Variants in ARHGAP42 observed in about 807,000 individuals in gnomAD.
ARHGAP42 encodes the protein rho GTPase-activating protein 42.
A neutral mutation model predicts 125.0 loss-of-function variants in ARHGAP42; 63 were observed. The ratio of observed to expected loss-of-function variants is 0.50; its 90% CI spans 0.41 to 0.62. The LOEUF (loss-of-function observed/expected upper bound fraction) is 0.62. Among genes scored for constraint, ARHGAP42 ranks in the 20% least tolerant of loss-of-function variants. The pLI is 0.00. For missense variants in ARHGAP42, 766 were observed against 1,024.2 expected, an observed-to-expected ratio of 0.75 and a Z score of 3.44; for synonymous variants, 339 against 351.0, an observed-to-expected ratio of 0.97 and a Z score of 0.38.
At chr11:100,853,204 A>G (rs1865244943) in intron 3 of ARHGAP42, among the ~76,000 whole-genome samples, 1 of 152,194 alleles carries the variant, frequency 6.6e-6, no homozygotes, top group Non-Finnish European at 1.5e-5. Flanking sequence ...AGCTTTTAAG[A>G]TGTCAATCCT....
intron 1 of ARHGAP42, among the ~76,000 whole-genome samples, chr11:100,700,579 C>T (rs573307407): frequency 2.6e-5 from 4 of 152,116 alleles, no homozygotes; most frequent in Non-Finnish European, 5.9e-5. Context: ...CAGTGTTCAC[C>T]GCATCTTCAC....
intron 3 of ARHGAP42, among the ~76,000 whole-genome samples, chr11:100,833,257 ATACTTTATTAGAGAATGC>A (rs1054314149): frequency 6.6e-6 from 1 of 152,208 alleles, no homozygotes; most frequent in African/African-American, 2.4e-5. Context: ...AGGAGTTTTG[ATACTTTATTAGAGAATGC>A]TACTTTGTTC....
chr11:100,816,794 A>G (rs190338231), intron 3 of ARHGAP42: 1 of 152,302 alleles, frequency 6.6e-6, no homozygotes, highest in African/African-American at 2.4e-5. Flanking sequence ...TTCCATGGCA[A>G]ACTTCTTGGT....
intron 12 of ARHGAP42, 109 bp from the exon 13 acceptor site, chr11:100,959,772 CAG>C: frequency 1.0e-6 from 1 of 983,966 alleles, no homozygotes; most frequent in South Asian, 1.5e-5. Context: ...TTGGAAGACT[CAG>C]AAAAAACCTC....
chr11:100,972,254 G>T (rs908134608), intron 17 of ARHGAP42, among the ~76,000 whole-genome samples: 5 of 152,130 alleles, frequency 3.3e-5, no homozygotes, highest in African/African-American at 1.2e-4. Flanking sequence ...ACCTGACTTG[G>T]AGTAAGATAG....
intron 3 of ARHGAP42, among the ~76,000 whole-genome samples, chr11:100,805,574 A>G (rs1863968818): frequency 6.6e-6 from 1 of 152,212 alleles, no homozygotes; most frequent in Admixed American, 6.5e-5. Context: ...AAGAAACAAA[A>G]GAATGGCTAC....
intron 8 of ARHGAP42, among the ~76,000 whole-genome samples, chr11:100,936,992 G>C (rs541459411): frequency 6.6e-6 from 1 of 152,194 alleles, no homozygotes; most frequent in Non-Finnish European, 1.5e-5. Flanking sequence ...CATCATTCTC[G>C]TGCTGTTTTT....
At chr11:100,975,804 C>T (rs947228649) in intron 19 of ARHGAP42, among the ~76,000 whole-genome samples, 5 of 152,148 alleles carry the variant, frequency 3.3e-5, no homozygotes, top group Non-Finnish European at 7.3e-5. Flanking sequence ...TATCTAAAGG[C>T]AGGTAGTTCA....
chr11:100,818,913 G>A (rs1864338694), intron 3 of ARHGAP42, among the ~76,000 whole-genome samples: 3 of 152,116 alleles, frequency 2.0e-5, no homozygotes, highest in South Asian at 2.1e-4. Context: ...ATAAGCAAAT[G>A]TAGGGAGATG....
At chr11:100,788,392 CT>C (rs1161329981) in intron 2 of ARHGAP42, among the ~76,000 whole-genome samples, 1 of 152,124 alleles carries the variant, frequency 6.6e-6, no homozygotes, top group African/African-American at 2.4e-5. Flanking sequence ...TCATGTGAGC[CT>C]TTAGATTACA....
chr11:100,757,154 A>G (rs1862596353), intron 1 of ARHGAP42, among the ~76,000 whole-genome samples: 1 of 152,206 alleles, frequency 6.6e-6, no homozygotes, highest in Non-Finnish European at 1.5e-5. Context: ...TAAATAAGAC[A>G]TGAAAATTAT....
At chr11:100,716,073 A>G (rs933903720) in intron 1 of ARHGAP42, among the ~76,000 whole-genome samples, 3 of 152,206 alleles carry the variant, frequency 2.0e-5, no homozygotes, top group African/African-American at 7.2e-5. Context: ...TATTTTTAAA[A>G]TGATAGCAGT....
chr11:100,946,282 C>A (rs1868014298), intron 10 of ARHGAP42, among the ~76,000 whole-genome samples: 2 of 152,192 alleles, frequency 1.3e-5, no homozygotes, highest in South Asian at 4.1e-4. Flanking sequence ...CTATACACAC[C>A]ACTAGAACTT....
chr11:100,966,473 A>G lies in ARHGAP42; in HGVS notation c.1550+697A>G, dbSNP rs563171257. 8.5e-5 allele frequency among the ~76,000 whole-genome samples: 13 copies of G among 152,220 alleles called. No individual in the cohort carries two copies. The South Asian group carries it at 1.5e-3, about 17-fold the overall frequency. On this transcript the variant is annotated intron_variant, in intron 17 of 23. Coordinates refer to ENST00000298815, the MANE Select transcript of ARHGAP42 (RefSeq NM_152432.4). ...ATGTTGAAGCTTGAATCCAAAGGCA[A>G]TCTTGAGACAGAATTCCTTCTTACT...
At chr11:100,974,376 A>G in intron 18 of ARHGAP42, 83 bp from the exon 19 acceptor site, 1 of 1,288,544 alleles carries the variant, frequency 7.8e-7, no homozygotes, top group Non-Finnish European at 1.1e-6. Context: ...CTGATTAAGT[A>G]GCATATGGTT....
chr11:100,898,154 T>G (rs1565265008), intron 4 of ARHGAP42, among the ~76,000 whole-genome samples: 1 of 152,124 alleles, frequency 6.6e-6, no homozygotes, highest in Non-Finnish European at 1.5e-5. Context: ...TACTGGTTTT[T>G]GTATGTTGAA....
At chr11:100,779,353 G>T (rs1863210428) in intron 2 of ARHGAP42, among the ~76,000 whole-genome samples, 2 of 149,218 alleles carry the variant, frequency 1.3e-5, no homozygotes, top group Admixed American at 1.3e-4. Flanking sequence ...GCTGAGGGAG[G>T]AGAATTGCTT....
intron 6 of ARHGAP42, among the ~76,000 whole-genome samples, chr11:100,932,025 A>G (rs1867594611): frequency 2.0e-5 from 3 of 152,218 alleles, no homozygotes; most frequent in South Asian, 4.1e-4. Flanking sequence ...TCCTTAAAAT[A>G]TAACAACAAA....
At chr11:100,785,905 G>A (rs951129494) in intron 2 of ARHGAP42, among the ~76,000 whole-genome samples, 6 of 152,296 alleles carry the variant, frequency 3.9e-5, no homozygotes, top group Admixed American at 2.0e-4. Flanking sequence ...TTTGTTGGGA[G>A]AGAACAGACT....
Sources: allele counts gnomAD v4.1 joint callset (sites outside exome capture counted in the v4.1 genomes callset), GRCh38; gene constraint gnomAD v4.1.1; transcripts MANE v1.5; gene names NCBI Gene and HGNC (gene_info 2026-07-23, HGNC 2026-07-21).